Variants in SETX observed in about 807,000 individuals in gnomAD.
SETX encodes the protein senataxin, also known as helicase senataxin.
In SETX, 90 loss-of-function variants were observed where a neutral mutation model predicts 227.2. The observed-to-expected ratio is 0.40, with a 90% CI of 0.33 to 0.47. The LOEUF (loss-of-function observed/expected upper bound fraction) is 0.47, where lower values mean the gene tolerates loss of function less well. Ranked by LOEUF, SETX falls within the 20% of genes least tolerant of loss-of-function variation. The pLI is 0.91. For synonymous variants in SETX, 1,210 were observed against 1,113.2 expected (o/e 1.09, Z -1.73); for missense variants, 3,052 against 3,181.5 (o/e 0.96, Z 0.98).
chr9:132,322,949 C>T (rs553149945), intron 10 of SETX, among the ~76,000 whole-genome samples: 1 of 151,782 alleles, frequency 6.6e-6, no homozygotes, highest in Non-Finnish European at 1.5e-5. Flanking sequence ...AAGGATTCAA[C>T]GGACTTAGGA....
At chr9:132,319,087 C>G (rs1422014172) in intron 10 of SETX, among the ~76,000 whole-genome samples, 2 of 152,178 alleles carry the variant, frequency 1.3e-5, no homozygotes, top group Non-Finnish European at 1.5e-5. Flanking sequence ...CACAATCTAA[C>G]CAGATGCTTA....
chr9:132,336,618 T>A (rs1482174581), intron 5 of SETX, 103 bp from the exon 6 acceptor site: 5 of 866,592 alleles, frequency 5.8e-6, no homozygotes, highest in Non-Finnish European at 9.7e-6. Context: ...TTAAAAGACA[T>A]GTGACATATT....
At position 132,297,801 on chromosome 9, in the gene SETX, C is replaced by G. The variant is rs80069553; in HGVS notation, c.5781+279G>C. On this transcript the variant is annotated intron_variant, in intron 13 of 25. Transcript: ENST00000224140. ...CAAATGTAAATTTAACACCACTAAA[C>G]CTGAGACTTCTCACCTAATGCACAT... Among the ~76,000 whole-genome samples, 1,189 of 152,264 alleles carry G rather than the reference C, an allele frequency of 7.8e-3. 26 individuals are homozygous for G. Among genetic ancestry groups the G allele is most frequent in the African/African-American group, 0.026 (1,094 of 41,546 alleles).
rs757896585 is a variant in SETX, at chr9:132,326,396, A to T, written c.5202T>A (p.Pro1734=). Residue 1734 remains proline (P), a synonymous_variant, in exon 10 of 26, where the codon CCT becomes CCA. Coordinates refer to ENST00000224140, the MANE Select transcript of SETX (RefSeq NM_015046.7). ...AATCTCCATAATTGTGAAATCTGAC[A>T]GGCACAGGTCTTGAGATGGACTGAC... The part of the protein sequence containing the change: ...SLCQSISRPV[P]VRFHNYGDYF... The T allele has an allele frequency of 1.9e-5, 31 of 1,614,014 alleles. No individual in the cohort carries two copies. The highest frequency in any genetic ancestry group is 2.4e-5 in the Non-Finnish European group (28 of 1,179,956).
intron 20 of SETX, among the ~76,000 whole-genome samples, chr9:132,280,485 C>T (rs552176226): frequency 1.3e-5 from 2 of 152,188 alleles, no homozygotes; most frequent in African/African-American, 2.4e-5. Flanking sequence ...CCTACACACA[C>T]GGGTTTTCAC....
intron 11 of SETX, 27 bp downstream of exon 11, chr9:132,311,730 T>C (rs1272541380): frequency 6.9e-7 from 1 of 1,449,248 alleles, no homozygotes; most frequent in African/African-American, 1.4e-5. Context: ...ATATCATATA[T>C]TCCAAGTTGC....
intron 2 of SETX, 114 bp from the exon 3 acceptor site, chr9:132,349,549 A>C (rs1848497753): frequency 2.9e-6 from 3 of 1,039,008 alleles, no homozygotes; most frequent in Non-Finnish European, 4.4e-6. Context: ...TGTGTCACTA[A>C]AACCCAAATC....
At chr9:132,305,765 A>T (rs1010578504) in intron 11 of SETX, among the ~76,000 whole-genome samples, 5 of 152,216 alleles carry the variant, frequency 3.3e-5, no homozygotes, top group African/African-American at 1.2e-4. Flanking sequence ...CCTAGACTGA[A>T]GGAAACTAAG....
At chr9:132,339,796 G>GT (rs1380826330) in intron 5 of SETX, among the ~76,000 whole-genome samples, 18 of 152,086 alleles carry the variant, frequency 1.2e-4, no homozygotes, top group African/African-American at 2.4e-5. Context: ...TGTATTATTA[G>GT]TAGAGACAGG....
At chr9:132,283,745 A>G (rs1411448091) in intron 18 of SETX, among the ~76,000 whole-genome samples, 2 of 152,238 alleles carry the variant, frequency 1.3e-5, no homozygotes, top group South Asian at 2.1e-4. Context: ...TAGAGATGTA[A>G]TAATTCTGAG....
chr9:132,353,949 G>A (rs937584051), intron 1 of SETX, among the ~76,000 whole-genome samples, 194 bp from the exon 2 acceptor site: 1 of 152,170 alleles, frequency 6.6e-6, no homozygotes, highest in Non-Finnish European at 1.5e-5. Context: ...ACAAGGGGCT[G>A]TCCCCACTCA....
intron 13 of SETX, among the ~76,000 whole-genome samples, 185 bp downstream of exon 13, chr9:132,297,895 C>T (rs1452885126): frequency 6.6e-6 from 1 of 152,176 alleles, no homozygotes; most frequent in Non-Finnish European, 1.5e-5. Flanking sequence ...TTGTACTGTA[C>T]CTTTTCCTGA....
At chr9:132,333,317 G>A (rs779503494) in intron 7 of SETX, among the ~76,000 whole-genome samples, 21 of 149,716 alleles carry the variant, frequency 1.4e-4, no homozygotes, top group Non-Finnish European at 2.8e-4. Context: ...GGCAGAGGCT[G>A]CAGTTAGCCA....
chr9:132,310,485 A>G (rs1845584370), intron 11 of SETX, among the ~76,000 whole-genome samples: 1 of 152,214 alleles, frequency 6.6e-6, no homozygotes, highest in Non-Finnish European at 1.5e-5. Flanking sequence ...CTGTGCAGAA[A>G]AGAGTTAACA....
Position 132,274,922 on chromosome 9 carries a change from A to C in SETX, c.7100+334T>G, listed in dbSNP as rs547276938. On this transcript the variant is annotated intron_variant, in intron 23 of 25. Coordinates refer to ENST00000224140, the MANE Select transcript of SETX (RefSeq NM_015046.7). The stretch of plus-strand genomic sequence containing the variant: ...ATACATAAAGGCAATACAAGGGTTA[A>C]ATCATTTATTTAAAGTGAAATGTTA... 9.9e-6 allele frequency: 3 copies of C among 303,584 alleles called. No homozygotes were observed. In the East Asian group the frequency reaches 2.2e-4, roughly 22 times the overall value. The allele number at this position is 303,584 out of a possible 1,614,324, so 18.8% of individuals were successfully genotyped here.
At chr9:132,349,219 T>C in intron 3 of SETX, 33 bp downstream of exon 3, 2 of 1,601,170 alleles carry the variant, frequency 1.2e-6, no homozygotes, top group Non-Finnish European at 1.7e-6. Flanking sequence ...GCTATCAAGC[T>C]CTGAAAAATA....
At chr9:132,325,801 G>A (rs149226379) in intron 10 of SETX, among the ~76,000 whole-genome samples, 65 of 151,834 alleles carry the variant, frequency 4.3e-4, no homozygotes, top group African/African-American at 1.4e-3. Context: ...GCCTGGTGGC[G>A]CAGGCCTGTA....
intron 11 of SETX, among the ~76,000 whole-genome samples, chr9:132,308,941 C>A (rs1845488243): frequency 6.6e-6 from 1 of 152,094 alleles, no homozygotes; most frequent in African/African-American, 2.4e-5. Context: ...GAGCTTCAGA[C>A]CAGCCTGGCC....
rs369057612 is a variant in SETX at position 132,281,561 on chromosome 9, C to A, written c.6560G>T (p.Cys2187Phe). The change falls in exon 20 of 26, where the codon TGT becomes TTT. Residue 2187 changes from cysteine (C) to phenylalanine (F), a missense_variant. Around this residue, in one of 10 missense-constraint regions of SETX, gnomAD observed 412 missense variants for 589.0 expected, o/e 0.70. Transcript: ENST00000224140. ...CVIVDEAGQS[C>F]EIETLTPLIH... ...GAGTGGAGTAAGAGTCTCAATTTCA[C>A]AAGACTGTCCAGCCTTGGTAAGATA... is the stretch of plus-strand genomic sequence containing the variant. 2.5e-6 allele frequency: 4 copies of A among 1,612,444 alleles called. No homozygotes were observed. The highest frequency in any genetic ancestry group is 3.4e-6 in the Non-Finnish European group (4 of 1,178,606).
Sources: allele counts gnomAD v4.1 joint callset (sites outside exome capture counted in the v4.1 genomes callset), GRCh38; gene constraint gnomAD v4.1.1; regional missense constraint gnomAD v4.1.1; transcripts MANE v1.5; gene names NCBI Gene and HGNC (gene_info 2026-07-23, HGNC 2026-07-21).